The following TMEM161B variants were observed in gnomAD, a reference collection of about 807,000 sequenced individuals.
TMEM161B encodes the protein transmembrane protein 161B.
In TMEM161B, 34 loss-of-function variants were observed where a neutral mutation model predicts 61.8. The ratio of observed to expected loss-of-function variants is 0.55; its 90% confidence interval spans 0.42 to 0.73. The LOEUF is 0.73. TMEM161B is among the 30% of genes least tolerant of loss of function. The pLI, the probability that TMEM161B is intolerant of heterozygous loss-of-function variation, is 0.00. For missense variants in TMEM161B, 456 were observed against 558.5 expected, an observed-to-expected ratio of 0.82 and a Z score of 1.85; for synonymous variants, 167 against 192.8, an observed-to-expected ratio of 0.87 and a Z score of 1.11.
downstream of TMEM161B, among the ~76,000 whole-genome samples, chr5:88,188,416 G>A (rs980228439): frequency 6.6e-6 from 1 of 151,232 alleles, no homozygotes; most frequent in African/African-American, 2.4e-5. Flanking sequence ...GTGCCTGGTC[G>A]TCTTTTTGAT....
downstream of TMEM161B, among the ~76,000 whole-genome samples, chr5:88,188,941 C>G (rs1748536671): frequency 1.3e-5 from 2 of 152,176 alleles, no homozygotes; most frequent in African/African-American, 2.4e-5. Context: ...CGTCTTCAGA[C>G]AGGAGACAGT....
intron 1 of TMEM161B, among the ~76,000 whole-genome samples, chr5:88,254,227 G>A (rs973698764): frequency 6.6e-6 from 1 of 152,034 alleles, no homozygotes; most frequent in African/African-American, 2.4e-5. Context: ...TGAAAACAGA[G>A]GTCTCACAGT....
At chr5:88,191,501 C>T (rs357511), downstream of TMEM161B, among the ~76,000 whole-genome samples, 130,701 of 152,166 alleles carry the variant, frequency 0.86, 56,174 homozygotes, top group Non-Finnish European at 0.88. Flanking sequence ...GAAAAATAAC[C>T]AAATGGGTAC....
chr5:88,190,395 T>C (rs1748682777), downstream of TMEM161B: 2 of 628,394 alleles, frequency 3.2e-6, no homozygotes, highest in Admixed American at 2.3e-5. Context: ...CCAGTACAAT[T>C]GCAGCTCCTA....
At chr5:88,246,870 T>C (rs1282438659) in intron 1 of TMEM161B, among the ~76,000 whole-genome samples, 1 of 152,014 alleles carries the variant, frequency 6.6e-6, no homozygotes, top group Admixed American at 6.6e-5. Context: ...CACACAACCA[T>C]ATGGGTCATT....
At chr5:88,199,811 T>C (rs1744033204) in intron 9 of TMEM161B, 2 of 152,256 alleles carry the variant, frequency 1.3e-5, no homozygotes, top group South Asian at 4.1e-4. Context: ...AAAGAATTTT[T>C]AGAAAGAAGA....
chr5:88,198,705 G>C (rs1238506361), intron 10 of TMEM161B: 1 of 295,096 alleles, frequency 3.4e-6, no homozygotes, highest in East Asian at 6.1e-5. Context: ...TCAATTAGAA[G>C]GGTCCCATTT....
chr5:88,224,158 A>G (rs548152496), intron 4 of TMEM161B, among the ~76,000 whole-genome samples: 1 of 152,284 alleles, frequency 6.6e-6, no homozygotes, highest in South Asian at 2.1e-4. Flanking sequence ...ACATTATCAA[A>G]ATTATTTTTT....
chr5:88,221,383 C>T (rs1748951098), intron 4 of TMEM161B: 1 of 187,528 alleles, frequency 5.3e-6, no homozygotes, highest in Non-Finnish European at 1.1e-5. Context: ...CCTGTAGTCC[C>T]AGCTACTTGG....
In TMEM161B at chr5:88,240,816, C is replaced by T. The variant is rs760607841; in HGVS notation, c.104G>A (p.Gly35Asp). ...YSLARWLLCN[G>D]SLRWYQHPTE... is the part of the protein sequence containing the mutation. ...AATCAGCCTATCCTTGCCTTACCTG[C>T]CATTACAGAGTAGCCATCGAGCAAG... is the stretch of plus-strand genomic sequence containing the variant. The change falls in exon 2 of 12, where the codon GGC becomes GAC. Residue 35 changes from glycine (G) to aspartate (D), a missense_variant. Coordinates refer to ENST00000296595, the MANE Select transcript of TMEM161B (RefSeq NM_153354.5). 5.0e-6 allele frequency: 8 copies of T among 1,609,370 alleles called. No individual in the cohort carries two copies. Among genetic ancestry groups the T allele is most frequent in the Non-Finnish European group, 5.9e-6 (7 of 1,176,522 alleles).
At chr5:88,220,450 G>A in intron 5 of TMEM161B, 113 bp downstream of exon 5, 3 of 881,124 alleles carry the variant, frequency 3.4e-6, no homozygotes, top group Non-Finnish European at 4.7e-6. Flanking sequence ...ACATAAAAAA[G>A]ATTTCAATAA....
chr5:88,242,371 T>C lies in TMEM161B; in HGVS notation c.4-1455A>G, dbSNP rs1011505644. On this transcript the variant is annotated intron_variant, in intron 1 of 11. Transcript: ENST00000296595. ...CCATATTCCTTGCTTTATTACTACA[T>C]TGATGATCAATCCTTTATCCTCCCA... is the stretch of plus-strand genomic sequence containing the variant. Among the ~76,000 whole-genome samples, 24 of 145,834 alleles carry C rather than the reference T, an allele frequency of 1.6e-4. 1 individual carries two copies. In the South Asian group the frequency reaches 5.2e-3, roughly 32 times the overall value.
intron 5 of TMEM161B, among the ~76,000 whole-genome samples, chr5:88,218,564 C>G (rs1748344085): frequency 6.6e-6 from 1 of 152,142 alleles, no homozygotes; most frequent in Non-Finnish European, 1.5e-5. Flanking sequence ...AAGGCAGGAA[C>G]CTGGAGGCCA....
chr5:88,268,780 C>G lies in TMEM161B; in HGVS notation c.-57G>C. On this transcript the variant is annotated 5_prime_UTR_variant, in exon 1 of 12. Coordinates refer to ENST00000296595, the MANE Select transcript of TMEM161B (RefSeq NM_153354.5). ...CTGGAGTTGCCGGGGCAGTCCCAAA[C>G]CTCTTACCTCCCGGTCCTTGAGCCG... The G allele has an allele frequency of 6.2e-7, 1 of 1,613,484 alleles. No individual in the cohort carries two copies. Among genetic ancestry groups the G allele is most frequent in the Admixed American group, 1.7e-5 (1 of 59,944 alleles).
At chr5:88,205,012 T>C (rs1745186467) in intron 8 of TMEM161B, among the ~76,000 whole-genome samples, 2 of 152,134 alleles carry the variant, frequency 1.3e-5, no homozygotes, top group African/African-American at 4.8e-5. Context: ...TAAATACACA[T>C]ATCAAAATGA....
intron 9 of TMEM161B, chr5:88,202,437 TA>T (rs33987526): frequency 0.29 from 50,654 of 172,606 alleles, 9,008 homozygotes; most frequent in African/African-American, 0.51. Context: ...AAAATATCCT[TA>T]TTTTTTTTAG....
intron 1 of TMEM161B, among the ~76,000 whole-genome samples, chr5:88,249,790 C>G (rs1224551372): frequency 6.6e-6 from 1 of 152,138 alleles, no homozygotes; most frequent in Non-Finnish European, 1.5e-5. Flanking sequence ...ACTTCCAGTC[C>G]TTTCAGATCA....
At chr5:88,247,932 T>C (rs1753835784) in intron 1 of TMEM161B, among the ~76,000 whole-genome samples, 1 of 152,116 alleles carries the variant, frequency 6.6e-6, no homozygotes. Flanking sequence ...ACAATACAAT[T>C]GTAAAGGTAC....
intron 2 of TMEM161B, among the ~76,000 whole-genome samples, chr5:88,229,376 G>A (rs1044546248): frequency 6.6e-6 from 1 of 152,044 alleles, no homozygotes; most frequent in African/African-American, 2.4e-5. Flanking sequence ...CCTTAGTTCA[G>A]TGTATCTTCC....
Sources: allele counts gnomAD v4.1 joint callset (sites outside exome capture counted in the v4.1 genomes callset), GRCh38; gene constraint gnomAD v4.1.1; transcripts MANE v1.5; gene names NCBI Gene and HGNC (gene_info 2026-07-23, HGNC 2026-07-21).